The following VAV3 variants were observed in gnomAD, a reference collection of about 807,000 sequenced individuals.
VAV3 encodes vav guanine nucleotide exchange factor 3, also known as guanine nucleotide exchange factor VAV3.
In VAV3, 94 loss-of-function variants were observed where a neutral mutation model predicts 131.2. That is an observed-to-expected ratio of 0.72 (90% CI 0.61 to 0.85). The LOEUF (loss-of-function observed/expected upper bound fraction) is 0.85. Ranked by LOEUF, VAV3 falls within the 40% of genes least tolerant of loss-of-function variation. The pLI, the probability that VAV3 is intolerant of heterozygous loss-of-function variation, is 0.00. For synonymous variants in VAV3, 349 were observed against 342.0 expected, an observed-to-expected ratio of 1.02 and a Z score of -0.22; for missense variants, 939 against 1,002.7, an observed-to-expected ratio of 0.94 and a Z score of 0.86.
intron 2 of VAV3, among the ~76,000 whole-genome samples, chr1:107,866,027 C>T (rs1311451411): frequency 6.6e-6 from 1 of 152,134 alleles, no homozygotes; most frequent in Non-Finnish European, 1.5e-5. Context: ...TGTGTGCTCA[C>T]TTCCCAAGGA....
At chr1:107,598,478 T>A (rs1651572665) in intron 24 of VAV3, among the ~76,000 whole-genome samples, 1 of 152,208 alleles carries the variant, frequency 6.6e-6, no homozygotes, top group South Asian at 2.1e-4. Context: ...ACTTAAAATG[T>A]TAGGGTCTTC....
At chr1:107,841,073 A>G (rs1269332468) in intron 2 of VAV3, among the ~76,000 whole-genome samples, 1 of 152,214 alleles carries the variant, frequency 6.6e-6, no homozygotes, top group Admixed American at 6.6e-5. Context: ...GTTGGCCAGT[A>G]CCAAAGGGAG....
chr1:107,915,259 T>C (rs530278622), intron 1 of VAV3, among the ~76,000 whole-genome samples: 12 of 152,144 alleles, frequency 7.9e-5, no homozygotes, highest in Non-Finnish European at 1.0e-4. Flanking sequence ...AATAAGACTA[T>C]TAAAGGTTTA....
intron 2 of VAV3, among the ~76,000 whole-genome samples, chr1:107,837,603 A>G (rs1668531377): frequency 1.3e-5 from 2 of 152,198 alleles, no homozygotes. Flanking sequence ...AAAAGGAACA[A>G]AGCCAAAGGC....
rs56000657 is a variant in VAV3 at position 107,617,530 on chromosome 1, A to C, written c.1980+37T>G. On this transcript the variant is annotated intron_variant, in intron 21 of 26. Coordinates refer to ENST00000370056, the MANE Select transcript of VAV3 (RefSeq NM_006113.5). Reference sequence around the variant, plus strand: ...ACAATTAATCACAGGATCAAAAACAAAATGAAGCAAGAGAAAATTAAGATA... The same window carrying C: ...ACAATTAATCACAGGATCAAAAACACAATGAAGCAAGAGAAAATTAAGATA... 1,167 of 1,579,226 alleles carry C rather than the reference A, an allele frequency of 7.4e-4. 3 individuals carry two copies. Among genetic ancestry groups the C allele is most frequent in the Middle Eastern group, 6.1e-3 (36 of 5,942 alleles).
chr1:107,710,693 T>TTTCCA (rs1660735210), intron 15 of VAV3, among the ~76,000 whole-genome samples: 1 of 152,156 alleles, frequency 6.6e-6, no homozygotes, highest in Admixed American at 6.5e-5. Context: ...TTAATCTTAT[T>TTTCCA]TTCCATAGCA....
At chr1:107,640,273 G>A (rs547020818) in intron 20 of VAV3, among the ~76,000 whole-genome samples, 1 of 152,090 alleles carries the variant, frequency 6.6e-6, no homozygotes, top group Non-Finnish European at 1.5e-5. Context: ...CACATGGAAC[G>A]ATAATCAGCG....
Position 107,573,322 on chromosome 1 carries a change from G to T in VAV3, c.*9C>A. ...ATTTTTGGTGCAGGGTGCAACACGG[G>T]ATTTGAATTTATTCATCCTCTTCCA... is the stretch of plus-strand genomic sequence containing the variant. On this transcript the variant is annotated 3_prime_UTR_variant, in exon 27 of 27. Coordinates refer to ENST00000370056, the MANE Select transcript of VAV3 (RefSeq NM_006113.5). 1 of 1,614,000 alleles carries T rather than the reference G, an allele frequency of 6.2e-7. No homozygotes were observed. Among genetic ancestry groups the T allele is most frequent in the Non-Finnish European group, 8.5e-7 (1 of 1,179,978 alleles).
At chr1:107,690,449 G>A (rs1008885140) in intron 17 of VAV3, among the ~76,000 whole-genome samples, 1 of 152,172 alleles carries the variant, frequency 6.6e-6, no homozygotes, top group African/African-American at 2.4e-5. Context: ...TGGCTGCCAG[G>A]TGGCCAGCTC....
intron 15 of VAV3, among the ~76,000 whole-genome samples, chr1:107,712,329 G>A (rs1309508431): frequency 6.6e-6 from 1 of 152,140 alleles, no homozygotes; most frequent in Non-Finnish European, 1.5e-5. Flanking sequence ...GAAACATTAT[G>A]AGATTGAGAT....
chr1:107,765,961 G>T (rs1344975505), intron 8 of VAV3, among the ~76,000 whole-genome samples: 1 of 152,066 alleles, frequency 6.6e-6, no homozygotes, highest in Non-Finnish European at 1.5e-5. Flanking sequence ...CCTATAGGTT[G>T]TCAGGAGATT....
In VAV3 at chr1:107,713,375, C is replaced by A. The variant is rs534729197; in HGVS notation, c.1503-8314G>T. Among the ~76,000 whole-genome samples, 18 of 151,250 alleles carry A rather than the reference C, an allele frequency of 1.2e-4. No homozygotes were observed. In the South Asian group the frequency reaches 3.8e-3, roughly 32 times the overall value. ...CAAACTTTTATTTAAATAAAAAAAA[C>A]ACATAAAAAATTAGAGAAAGCAGAA... On this transcript the variant is annotated intron_variant, in intron 15 of 26. Transcript: ENST00000370056.
At chr1:107,693,669 T>C (rs989968870) in intron 17 of VAV3, among the ~76,000 whole-genome samples, 2 of 152,192 alleles carry the variant, frequency 1.3e-5, no homozygotes, top group African/African-American at 2.4e-5. Context: ...TTAAAAATTA[T>C]ATTCTGGTTG....
chr1:107,724,832 G>A (rs1259849087), intron 15 of VAV3, among the ~76,000 whole-genome samples: 1 of 148,982 alleles, frequency 6.7e-6, no homozygotes, highest in Non-Finnish European at 1.5e-5. Context: ...GGATGTGGTG[G>A]GGGGAAAAAA....
chr1:107,614,646 T>C (rs1653006354), intron 21 of VAV3, among the ~76,000 whole-genome samples: 1 of 152,136 alleles, frequency 6.6e-6, no homozygotes, highest in South Asian at 2.1e-4. Context: ...GGTCAGCAAA[T>C]ATCATTCAAT....
intron 2 of VAV3, among the ~76,000 whole-genome samples, chr1:107,793,947 G>A (rs569156748): frequency 1.3e-5 from 2 of 152,216 alleles, no homozygotes; most frequent in East Asian, 1.9e-4. Context: ...TGCTGGACAC[G>A]CCAAATCCCA....
At chr1:107,730,966 T>C (rs1481768111) in intron 15 of VAV3, among the ~76,000 whole-genome samples, 2 of 152,182 alleles carry the variant, frequency 1.3e-5, no homozygotes, top group Non-Finnish European at 2.9e-5. Flanking sequence ...TCTACTATTT[T>C]CTCATTTTTT....
At position 107,822,341 on chromosome 1, in the gene VAV3, G is replaced by A. The variant is rs549886218; in HGVS notation, c.322-42849C>T. 5.3e-4 allele frequency among the ~76,000 whole-genome samples: 81 copies of A among 151,838 alleles called. 1 individual carries two copies. Among genetic ancestry groups the A allele is most frequent in the Non-Finnish European group, 9.6e-4 (65 of 67,922 alleles). On this transcript the variant is annotated intron_variant, in intron 2 of 26. Coordinates refer to ENST00000370056, the MANE Select transcript of VAV3 (RefSeq NM_006113.5). ...GGGAAGTAAGGAACTGGAGGAATGA[G>A]AAAAAAGAGGGGAAAAAAAAATAAT...
intron 25 of VAV3, among the ~76,000 whole-genome samples, chr1:107,586,046 T>C (rs997012694): frequency 6.6e-6 from 1 of 151,716 alleles, no homozygotes; most frequent in Non-Finnish European, 1.5e-5. Flanking sequence ...AGAGGGAAAA[T>C]GAGACTATAG....
Sources: allele counts gnomAD v4.1 joint callset (sites outside exome capture counted in the v4.1 genomes callset), GRCh38; gene constraint gnomAD v4.1.1; transcripts MANE v1.5; gene names NCBI Gene and HGNC (gene_info 2026-07-23, HGNC 2026-07-21).